Variants in PPAN observed in about 807,000 individuals in gnomAD.
PPAN encodes the protein suppressor of SWI4 1 homolog.
A neutral mutation model predicts 48.5 loss-of-function variants in PPAN; 39 were observed. The ratio of observed to expected loss-of-function variants is 0.80; its 90% CI spans 0.62 to 1.05. PPAN has a LOEUF of 1.05. PPAN is among the 50% of genes least tolerant of loss of function. The probability of loss-of-function intolerance (pLI) is 0.00; values close to 1 mark genes in which losing one functional copy is unlikely to be tolerated. For missense variants in PPAN, 736 were observed against 661.7 expected (o/e 1.11, Z -1.23); for synonymous variants, 315 against 268.6 (o/e 1.17, Z -1.69).
chr19:10,106,343 G>A (rs2088819746), upstream of PPAN: 35 of 1,548,406 alleles, frequency 2.3e-5, no homozygotes, highest in South Asian at 3.9e-4. Flanking sequence ...GAAGTGAGCT[G>A]CGCAGCGCCG....
Position 10,109,617 on chromosome 19 carries a change from T to C in PPAN, c.514-14T>C. The C allele has an allele frequency of 6.2e-7, 1 of 1,610,888 alleles. No individual in the cohort carries two copies. Among genetic ancestry groups the C allele is most frequent in the Non-Finnish European group, 8.5e-7 (1 of 1,178,380 alleles). On this transcript the variant is annotated splice_polypyrimidine_tract_variant and intron_variant, in intron 5 of 11. Coordinates refer to ENST00000253107, the MANE Select transcript of PPAN (RefSeq NM_020230.7). ...ATGAGTCTACTGGACTATGCTCTCT[T>C]CCTCCCCTTCCAGGTGAACCTGAAC...
chr19:10,108,680 A>T (rs146660284), intron 5 of PPAN, among the ~76,000 whole-genome samples: 1 of 149,408 alleles, frequency 6.7e-6, no homozygotes, highest in Non-Finnish European at 1.5e-5. Context: ...TGAGCCCAGG[A>T]GGTCAAGGCT....
In PPAN at chr19:10,106,575, G is replaced by C; in HGVS notation, c.93G>C (p.Ser31=). ...NLEAYAANPH[S]FVFTRGCTGR... ...AGGCCTATGCCGCGAACCCGCACTCGTTCGTGTTCACGCGAGGCTGCACGG... is the reference window on the plus strand; with the variant it reads ...AGGCCTATGCCGCGAACCCGCACTCCTTCGTGTTCACGCGAGGCTGCACGG... Residue 31 remains serine (S), a synonymous_variant, in exon 2 of 12, where the codon TCG becomes TCC. Coordinates refer to ENST00000253107, the MANE Select transcript of PPAN (RefSeq NM_020230.7). The C allele has an allele frequency of 6.4e-7, 1 of 1,552,964 alleles. No individual in the cohort carries two copies. The highest frequency in any genetic ancestry group is 8.7e-7 in the Non-Finnish European group (1 of 1,148,914).
At position 10,106,553 on chromosome 19, in the gene PPAN, C is replaced by A; in HGVS notation, c.71C>A (p.Ala24Asp). The change falls in exon 2 of 12, where the codon GCC becomes GAC. Residue 24 changes from alanine to aspartate, a missense_variant. Ala to Asp is a moderately radical substitution (Grantham distance 126, BLOSUM62 -2). Transcript: ENST00000253107. ...RAQAQLRNLE[A>D]YAANPHSFVF... ...CAGGCGCAGCTCCGCAACCTCGAGG[C>A]CTATGCCGCGAACCCGCACTCGTTC... 6.4e-7 allele frequency: 1 copy of A among 1,553,744 alleles called. No individual in the cohort carries two copies. Among genetic ancestry groups the A allele is most frequent in the Non-Finnish European group, 8.7e-7 (1 of 1,148,958 alleles).
Position 10,108,065 on chromosome 19 carries a change from C to A in PPAN, c.444C>A (p.Pro148=), listed in dbSNP as rs770452484. The change falls in exon 5 of 12, where the codon CCC becomes CCA. Residue 148 remains proline (P), a synonymous_variant. Transcript: ENST00000253107. The part of the protein sequence containing the change: ...PPLLVLNSFG[P]HGMHVKLMAT... ...TCCTGGTACTCAACAGCTTTGGCCC[C>A]CATGGTATGCATGTGAAGCTCATGG... The A allele has an allele frequency of 1.1e-5, 18 of 1,613,978 alleles. No homozygotes were observed. The highest frequency in any genetic ancestry group is 1.5e-5 in the Non-Finnish European group (18 of 1,180,004).
At position 10,110,741 on chromosome 19, in the gene PPAN, G is replaced by A. The variant is rs2089027801; in HGVS notation, c.1076G>A (p.Ser359Asn). Reference protein sequence around the residue: ...EGMKKARVGGSDEEASGIPSR... With the variant: ...EGMKKARVGGNDEEASGIPSR... ...ATGAAGAAGGCACGGGTCGGGGGTA[G>A]TGATGAAGAGGCCTCTGGGATCCCT... The change falls in exon 11 of 12, where the codon AGT becomes AAT. Residue 359 changes from serine (S) to asparagine (N), a missense_variant. By Grantham distance (46) the Ser-to-Asn change is conservative. Transcript: ENST00000253107. This position sits in a 1 kb window ranked among gnomAD's most constrained non-coding sequence, Gnocchi z 5.9. The A allele has an allele frequency of 1.2e-6, 2 of 1,613,878 alleles. No homozygotes were observed. The highest frequency in any genetic ancestry group is 1.3e-5 in the African/African-American group (1 of 74,908).
rs768677517 is a variant in PPAN at position 10,111,761 on chromosome 19, C to T, written c.*596C>T. The T allele has an allele frequency of 6.2e-7, 1 of 1,612,956 alleles. No homozygotes were observed. The highest frequency in any genetic ancestry group is 1.3e-5 in the African/African-American group (1 of 74,820). ...CTCGGGTAAGGAGAAGGCATGTTGG[C>T]TGTCTCTGGGGGTCTGCAGATTGTC... On this transcript the variant is annotated 3_prime_UTR_variant, in exon 12 of 12. Transcript: ENST00000253107.
rs747215475 is a variant in PPAN at position 10,109,901 on chromosome 19, A to C, written c.591-12A>C. 5.0e-6 allele frequency: 8 copies of C among 1,613,618 alleles called. No individual in the cohort carries two copies. The African/African-American group carries it at 1.1e-4, about 22-fold the overall frequency. ...CTGACCACCCCCTTGCCGTCCACTC[A>C]TGTTCCTGCAGTAGCATCAAAGTTG... On this transcript the variant is annotated splice_polypyrimidine_tract_variant and intron_variant, in intron 6 of 11. Transcript: ENST00000253107.
chr19:10,109,514 A>G, intron 5 of PPAN, 117 bp from the exon 6 acceptor site: 1 of 1,232,738 alleles, frequency 8.1e-7, no homozygotes, highest in Non-Finnish European at 1.1e-6. Context: ...GCGAGCTGGA[A>G]GCAGCATTTC....
At position 10,109,781 on chromosome 19, in the gene PPAN, TCTG is replaced by T. The variant is rs143349720; in HGVS notation, c.590+78_590+80del. Reference sequence around the variant, plus strand: ...TCCACATGCGGCTGATGACAGCACTTCTGCTGAGACGCTGTGATTGCTCTGTCC... The same window carrying T: ...TCCACATGCGGCTGATGACAGCACTTCTGAGACGCTGTGATTGCTCTGTCC... On this transcript the variant is annotated intron_variant, in intron 6 of 11. Transcript: ENST00000253107. The T allele has an allele frequency of 3.6e-5, 58 of 1,590,252 alleles. No homozygotes were observed. In the African/African-American group the frequency reaches 5.1e-4, roughly 14 times the overall value.
chr19:10,108,076 A>G lies in PPAN; in HGVS notation c.455A>G (p.His152Arg), dbSNP rs2088897648. 6.2e-7 allele frequency: 1 copy of G among 1,613,990 alleles called. No homozygotes were observed. Among genetic ancestry groups the G allele is most frequent in the Non-Finnish European group, 8.5e-7 (1 of 1,179,952 alleles). The change falls in exon 5 of 12, where the codon CAT becomes CGT. Residue 152 changes from histidine (H) to arginine (R), a missense_variant. His to Arg is a conservative substitution (Grantham distance 29). Coordinates refer to ENST00000253107, the MANE Select transcript of PPAN (RefSeq NM_020230.7). Reference protein sequence around the residue: ...VLNSFGPHGMHVKLMATMFQN... With the variant: ...VLNSFGPHGMRVKLMATMFQN... Reference sequence around the variant, plus strand: ...AACAGCTTTGGCCCCCATGGTATGCATGTGAAGCTCATGGCCACCATGTTC... The same window carrying G: ...AACAGCTTTGGCCCCCATGGTATGCGTGTGAAGCTCATGGCCACCATGTTC...
In PPAN at chr19:10,110,431, G is replaced by A. The variant is rs1195325665; in HGVS notation, c.901+29G>A. On this transcript the variant is annotated intron_variant, in intron 9 of 11. Coordinates refer to ENST00000253107, the MANE Select transcript of PPAN (RefSeq NM_020230.7). The surrounding 1 kb of genome is among the most constrained non-coding windows in gnomAD (Gnocchi z 5.9). ...AGGCCGGGGCCGCCGGGGGTGGGGG[G>A]TCATGGGTGTGGAGCTGCACCCGGA... The A allele has an allele frequency of 1.2e-6, 2 of 1,612,902 alleles. No individual in the cohort carries two copies. The highest frequency in any genetic ancestry group is 2.2e-5 in the South Asian group (2 of 91,038).
chr19:10,111,736 C>CAGG lies in PPAN; in HGVS notation c.*571_*572insAGG, dbSNP rs2089085175. 6.2e-7 allele frequency: 1 copy of CAGG among 1,613,380 alleles called. No homozygotes were observed. The highest frequency in any genetic ancestry group is 1.3e-5 in the African/African-American group (1 of 74,820). ...GGCACGGGAGCATGGCAGCCAACGT[C>CAGG]TCGGGTAAGGAGAAGGCATGTTGGC... is the stretch of plus-strand genomic sequence containing the variant. On this transcript the variant is annotated 3_prime_UTR_variant, in exon 12 of 12. Coordinates refer to ENST00000253107, the MANE Select transcript of PPAN (RefSeq NM_020230.7).
In PPAN at chr19:10,111,841, G is replaced by C; in HGVS notation, c.*676G>C. ...ACACCTAGGTCTGGGGCTGGGCACG[G>C]TGGCTCACGCCTGTAATCCCAGCAC... On this transcript the variant is annotated 3_prime_UTR_variant, in exon 12 of 12. Transcript: ENST00000253107. The C allele has an allele frequency of 7.2e-7, 1 of 1,397,476 alleles. No homozygotes were observed. Among genetic ancestry groups the C allele is most frequent in the Non-Finnish European group, 1.0e-6 (1 of 1,001,258 alleles). 86.6% of individuals were successfully genotyped at this position (1,397,476 alleles called of 1,614,324 possible). A position where few individuals can be genotyped will look rare whatever the true frequency, so the allele number is the denominator to read the frequency against.
intron 5 of PPAN, among the ~76,000 whole-genome samples, chr19:10,108,401 G>A (rs78374606): frequency 0.013 from 1,982 of 152,234 alleles, 31 homozygotes; most frequent in Middle Eastern, 0.024. Flanking sequence ...CACGTGTGTT[G>A]AGTGCTGGGC....
intron 6 of PPAN, 77 bp downstream of exon 6, chr19:10,109,784 G>A: frequency 6.3e-7 from 1 of 1,588,656 alleles, no homozygotes; most frequent in Non-Finnish European, 8.6e-7. Context: ...CAGCACTTCT[G>A]CTGAGACGCT....
Position 10,110,161 on chromosome 19 carries a change from G to C in PPAN, c.737G>C (p.Gly246Ala). The C allele has an allele frequency of 6.2e-7, 1 of 1,610,212 alleles. No individual in the cohort carries two copies. Among genetic ancestry groups the C allele is most frequent in the South Asian group, 1.1e-5 (1 of 91,078 alleles). Residue 246 changes from glycine to alanine, a missense_variant, in exon 8 of 12, where the codon GGC (glycine) becomes GCC (alanine). By Grantham distance (60) the Gly-to-Ala change is moderately conservative. Coordinates refer to ENST00000253107, the MANE Select transcript of PPAN (RefSeq NM_020230.7). The surrounding 1 kb of genome is among the most constrained non-coding windows in gnomAD (Gnocchi z 5.9). ...TCGGAGAGCGAGGCAGAGCCTGACGGCGACCACAACATCACAGAGCTGCCT... is the reference window on the plus strand; with the variant it reads ...TCGGAGAGCGAGGCAGAGCCTGACGCCGACCACAACATCACAGAGCTGCCT... The part of the protein sequence containing the change: ...GLSESEAEPD[G>A]DHNITELPQA...
At position 10,111,591 on chromosome 19, in the gene PPAN, C is replaced by A; in HGVS notation, c.*426C>A. The A allele has an allele frequency of 8.6e-7, 1 of 1,158,348 alleles. No individual in the cohort carries two copies. The highest frequency in any genetic ancestry group is 1.3e-6 in the Non-Finnish European group (1 of 784,698). The allele number at this position is 1,158,348 out of a possible 1,614,324, so 71.8% of individuals were successfully genotyped here. A position where few individuals can be genotyped will look rare whatever the true frequency, so the allele number is the denominator to read the frequency against. Reference sequence around the variant, plus strand: ...GGAAGGAAACGTGGGTGGAAAGGCACGCTGGCCTGCTCTGCTGGCTGGGCC... The same window carrying A: ...GGAAGGAAACGTGGGTGGAAAGGCAAGCTGGCCTGCTCTGCTGGCTGGGCC... On this transcript the variant is annotated 3_prime_UTR_variant, in exon 12 of 12. Coordinates refer to ENST00000253107, the MANE Select transcript of PPAN (RefSeq NM_020230.7).
In PPAN at chr19:10,107,762, G is replaced by C. The variant is rs773177425; in HGVS notation, c.292-42G>C. The C allele has an allele frequency of 3.3e-5, 54 of 1,613,702 alleles. No homozygotes were observed. The South Asian group carries it at 5.7e-4, about 17-fold the overall frequency. On this transcript the variant is annotated intron_variant, in intron 3 of 11. Transcript: ENST00000253107. ...AAAGGTGCCTACTCCGGGCACCTCT[G>C]CTAGACCCCTCCAGAGTCACTGATC...
Sources: allele counts gnomAD v4.1 joint callset (sites outside exome capture counted in the v4.1 genomes callset), GRCh38; gene constraint gnomAD v4.1.1; non-coding constraint Gnocchi (gnomAD v3.1); transcripts MANE v1.5; gene names NCBI Gene and HGNC (gene_info 2026-07-23, HGNC 2026-07-21).